FAM163A: variants seen among roughly 807,000 people sequenced by gnomAD.
FAM163A encodes the protein protein FAM163A.
Under a neutral mutation model 12.0 loss-of-function variants are expected in FAM163A, and 7 were observed. The observed-to-expected ratio is 0.58, with a 90% CI of 0.33 to 1.10. The LOEUF (loss-of-function observed/expected upper bound fraction) is 1.10. Ranked by LOEUF, FAM163A falls within the 50% of genes least tolerant of loss-of-function variation. FAM163A has a pLI of 0.03. For missense variants in FAM163A, 202 were observed against 218.6 expected (o/e 0.92, Z 0.48); for synonymous variants, 101 against 91.0 (o/e 1.11, Z -0.62).
chr1:179,753,795 G>T (rs1218294514), intron 1 of FAM163A, among the ~76,000 whole-genome samples: 2 of 152,206 alleles, frequency 1.3e-5, no homozygotes, highest in Non-Finnish European at 2.9e-5. Flanking sequence ...GAAAGACTCG[G>T]TGAAGAGAGA....
the FAM163A span, among the ~76,000 whole-genome samples, chr1:179,732,745 G>T: frequency 6.6e-6 from 1 of 151,816 alleles, no homozygotes; most frequent in Non-Finnish European, 1.5e-5. Context: ...GCCAGGCGTG[G>T]TGGTGCGTGC....
chr1:179,784,172 GC>G (rs1390320867), intron 1 of FAM163A, among the ~76,000 whole-genome samples: 2 of 152,170 alleles, frequency 1.3e-5, no homozygotes, highest in Non-Finnish European at 2.9e-5. Context: ...TAACAAATCT[GC>G]CCTCCACACA....
chr1:179,742,208 ATAAGGT>A (rs1398665624), upstream of FAM163A: 1 of 152,210 alleles, frequency 6.6e-6, no homozygotes, highest in Non-Finnish European at 1.5e-5. Context: ...ATTAGGAATA[ATAAGGT>A]TGCTCCAGGT....
At chr1:179,736,387 C>T in the FAM163A span, among the ~76,000 whole-genome samples, 9 of 150,880 alleles carry the variant, frequency 6.0e-5, no homozygotes, top group Admixed American at 5.9e-4. Context: ...AACATTTCTC[C>T]AAAGAAGGCA....
intron 1 of FAM163A, among the ~76,000 whole-genome samples, chr1:179,750,621 G>A (rs1685144212): frequency 6.6e-6 from 1 of 152,210 alleles, no homozygotes; most frequent in Admixed American, 6.5e-5. Flanking sequence ...GAAGAGGTAG[G>A]AAAGGGTTAA....
the FAM163A span, among the ~76,000 whole-genome samples, chr1:179,735,251 T>C: frequency 2.0e-5 from 3 of 152,260 alleles, no homozygotes; most frequent in African/African-American, 7.2e-5. Context: ...ACTAAAAAGA[T>C]TGGATAAAAT....
rs148337396 is a variant in FAM163A, at chr1:179,769,466, A to G, written c.-136+26043A>G. Reference sequence around the variant, plus strand: ...AAATAAAAATGTTTGAATCTTAAAAAACTCTTTTCATCTTACATTTGGATA... The same window carrying G: ...AAATAAAAATGTTTGAATCTTAAAAGACTCTTTTCATCTTACATTTGGATA... On this transcript the variant is annotated intron_variant, in intron 1 of 4. Coordinates refer to ENST00000341785, the MANE Select transcript of FAM163A (RefSeq NM_173509.3). Among the ~76,000 whole-genome samples, 23 of 152,254 alleles carry G rather than the reference A, an allele frequency of 1.5e-4. No individual in the cohort carries two copies. The East Asian group carries it at 4.4e-3, about 29-fold the overall frequency.
chr1:179,768,626 A>T (rs1038602606), intron 1 of FAM163A, among the ~76,000 whole-genome samples: 19 of 148,364 alleles, frequency 1.3e-4, no homozygotes, highest in East Asian at 2.0e-4. Context: ...TTTTTTTTTG[A>T]GGCGGAGTCT....
chr1:179,812,964 G>C, intron 3 of FAM163A, 112 bp from the exon 4 acceptor site: 1 of 977,312 alleles, frequency 1.0e-6, no homozygotes, highest in Non-Finnish European at 1.5e-6. Context: ...CCCGGCACCT[G>C]CTGCTCTCAG....
intron 1 of FAM163A, among the ~76,000 whole-genome samples, chr1:179,746,774 T>C (rs1455233971): frequency 4.6e-5 from 7 of 152,162 alleles, no homozygotes; most frequent in African/African-American, 1.7e-4. Context: ...CACCCCCTTT[T>C]GGTTGCTTGA....
intron 1 of FAM163A, among the ~76,000 whole-genome samples, chr1:179,765,054 G>T (rs1197787094): frequency 1.3e-5 from 2 of 152,166 alleles, no homozygotes; most frequent in African/African-American, 4.8e-5. Flanking sequence ...TTTCATCTCA[G>T]TGCCCCCCAA....
At chr1:179,809,765 C>T (rs1395557799) in intron 2 of FAM163A, among the ~76,000 whole-genome samples, 1 of 152,172 alleles carries the variant, frequency 6.6e-6, no homozygotes, top group African/African-American at 2.4e-5. Context: ...CACTCCTAGA[C>T]CTCTCTGTCC....
the FAM163A span, among the ~76,000 whole-genome samples, chr1:179,734,209 A>C: frequency 6.6e-6 from 1 of 152,184 alleles, no homozygotes; most frequent in Non-Finnish European, 1.5e-5. Flanking sequence ...GACTGTCAGA[A>C]ATTTTTGAAA....
At chr1:179,730,619 C>T in the FAM163A span, among the ~76,000 whole-genome samples, 7 of 152,220 alleles carry the variant, frequency 4.6e-5, no homozygotes, top group African/African-American at 1.7e-4. Context: ...AAAATACTAA[C>T]TGCTCAGCTA....
chr1:179,733,457 A>C, the FAM163A span, among the ~76,000 whole-genome samples: 29 of 152,336 alleles, frequency 1.9e-4, no homozygotes, highest in Admixed American at 1.2e-3. Flanking sequence ...TAGGGAGACC[A>C]GGAAAGGGAG....
intron 1 of FAM163A, among the ~76,000 whole-genome samples, chr1:179,757,065 A>C (rs909927366): frequency 3.3e-5 from 5 of 152,246 alleles, no homozygotes; most frequent in African/African-American, 1.2e-4. Context: ...ACTGCAGCAA[A>C]AGCTGGATAA....
intron 1 of FAM163A, among the ~76,000 whole-genome samples, chr1:179,770,703 G>C (rs550536866): frequency 2.0e-5 from 3 of 151,826 alleles, no homozygotes; most frequent in Non-Finnish European, 4.4e-5. Context: ...GATGACTTGC[G>C]CACCCCACAG....
intron 1 of FAM163A, among the ~76,000 whole-genome samples, chr1:179,793,894 C>T (rs1162266929): frequency 2.6e-5 from 4 of 152,190 alleles, no homozygotes; most frequent in Non-Finnish European, 5.9e-5. Context: ...CAGGTATTCT[C>T]CCTCACTGTT....
chr1:179,799,652 A>G (rs1204088678), intron 1 of FAM163A, among the ~76,000 whole-genome samples: 1 of 152,252 alleles, frequency 6.6e-6, no homozygotes, highest in Non-Finnish European at 1.5e-5. Context: ...AAAACTCTCT[A>G]AACTGTTAAT....
Sources: gnomAD v4.1 joint callset for allele counts (sites outside exome capture counted in the v4.1 genomes callset) on GRCh38, gnomAD v4.1.1 for gene constraint, MANE v1.5 for transcripts, NCBI Gene and HGNC (gene_info 2026-07-23, HGNC 2026-07-21) for gene names.